Variants in TMED5 observed in about 807,000 individuals in gnomAD.
TMED5 encodes the protein transmembrane p24 trafficking protein 5, also known as transmembrane emp24 domain-containing protein 5.
TMED5 carries 27 observed loss-of-function variants against 23.0 expected under a neutral mutation model. That is an observed-to-expected ratio of 1.17 (90% confidence interval 0.86 to 1.62). The LOEUF (loss-of-function observed/expected upper bound fraction) is 1.62. Among genes scored for constraint, TMED5 ranks in the 40% most tolerant of loss-of-function variants. The pLI is 0.00. For synonymous variants in TMED5, 97 were observed against 100.8 expected (o/e 0.96, Z 0.23); for missense variants, 248 against 273.7 (o/e 0.91, Z 0.66).
In TMED5 at chr1:93,150,762, C is replaced by T. The variant is rs1378215945; in HGVS notation, c.*3908G>A. 1 of 152,198 alleles carries T rather than the reference C, an allele frequency of 6.6e-6. No individual in the cohort carries two copies. Among genetic ancestry groups the T allele is most frequent in the Non-Finnish European group, 1.5e-5 (1 of 68,044 alleles). The allele number at this position is 152,198 out of a possible 1,614,324, so 9.4% of individuals were successfully genotyped here. On this transcript the variant is annotated 3_prime_UTR_variant, in exon 4 of 4. Coordinates refer to ENST00000370282, the MANE Select transcript of TMED5 (RefSeq NM_016040.5). The stretch of plus-strand genomic sequence containing the variant: ...GCTGTAGTAACAATCCCCTTTACAA[C>T]ATTTGATCATTATTGCCACTTAACA...
intron 1 of TMED5, chr1:93,161,596 C>T (rs1414587668): frequency 6.6e-6 from 1 of 152,186 alleles, no homozygotes; most frequent in East Asian, 1.9e-4. Flanking sequence ...AAAATTGCAA[C>T]CTCCTGCATA....
At position 93,160,117 on chromosome 1, in the gene TMED5, G is replaced by C. The variant is rs766962233; in HGVS notation, c.287+12C>G. ...ATTCAGCAATGAAACTCAACTAAAA[G>C]AGATTACTTACGTGTGAACTCCATC... On this transcript the variant is annotated intron_variant, in intron 2 of 3. Coordinates refer to ENST00000370282, the MANE Select transcript of TMED5 (RefSeq NM_016040.5). The C allele has an allele frequency of 1.3e-6, 2 of 1,575,082 alleles. No homozygotes were observed. Among genetic ancestry groups the C allele is most frequent in the Admixed American group, 3.4e-5 (2 of 59,476 alleles).
chr1:93,154,633 C>T lies in TMED5; in HGVS notation c.*37G>A, dbSNP rs1164198781. The T allele has an allele frequency of 1.4e-6, 2 of 1,470,412 alleles. No individual in the cohort carries two copies. Among genetic ancestry groups the T allele is most frequent in the Non-Finnish European group, 1.9e-6 (2 of 1,060,252 alleles). 91.1% of individuals were successfully genotyped at this position (1,470,412 alleles called of 1,614,324 possible). On this transcript the variant is annotated 3_prime_UTR_variant, in exon 4 of 4. Coordinates refer to ENST00000370282, the MANE Select transcript of TMED5 (RefSeq NM_016040.5). ...TGTAACAGTTTATTGCATTTTTATGCCTCATTTTTCAATGTTACGTACTCT... is the reference window on the plus strand; with the variant it reads ...TGTAACAGTTTATTGCATTTTTATGTCTCATTTTTCAATGTTACGTACTCT...
At position 93,149,890 on chromosome 1, in the gene TMED5, G is replaced by C. The variant is rs1008472289; in HGVS notation, c.*4780C>G. 6.6e-6 allele frequency: 1 copy of C among 152,160 alleles called. No homozygotes were observed. The highest frequency in any genetic ancestry group is 2.4e-5 in the African/African-American group (1 of 41,422). 9.4% of individuals were successfully genotyped at this position (152,160 alleles called of 1,614,324 possible). A position where few individuals can be genotyped will look rare whatever the true frequency, so the allele number is the denominator to read the frequency against. ...AAACAGGCCGGACATGGTGGCTCAC[G>C]CCTGTAATCTCAGCACTTGGGAAGT... On this transcript the variant is annotated 3_prime_UTR_variant, in exon 4 of 4. Transcript: ENST00000370282.
intron 1 of TMED5, among the ~76,000 whole-genome samples, chr1:93,171,342 T>C (rs966590643): frequency 5.9e-5 from 9 of 152,182 alleles, no homozygotes; most frequent in Non-Finnish European, 1.2e-4. Context: ...TTAAGAACTG[T>C]AACACTCACC....
At chr1:93,162,732 G>C (rs1323592265) in intron 1 of TMED5, 2 of 152,144 alleles carry the variant, frequency 1.3e-5, no homozygotes, top group Non-Finnish European at 2.9e-5. Context: ...GTTTTCCAAA[G>C]GATTTAAAAA....
chr1:93,168,093 G>A (rs908783702), intron 1 of TMED5, among the ~76,000 whole-genome samples: 6 of 151,992 alleles, frequency 3.9e-5, no homozygotes, highest in African/African-American at 1.4e-4. Context: ...AACCATCCTT[G>A]CATCCCAGGG....
At chr1:93,178,525 CT>C (rs1236418982) in intron 1 of TMED5, among the ~76,000 whole-genome samples, 2 of 152,076 alleles carry the variant, frequency 1.3e-5, no homozygotes, top group African/African-American at 4.8e-5. Context: ...CTTTATTAAG[CT>C]CTTTGAGAAG....
At chr1:93,177,446 C>T (rs1186207971) in intron 1 of TMED5, among the ~76,000 whole-genome samples, 1 of 151,762 alleles carries the variant, frequency 6.6e-6, no homozygotes, top group Non-Finnish European at 1.5e-5. Flanking sequence ...GGTGTGGTGG[C>T]ACATGCCTGT....
Position 93,156,459 on chromosome 1 carries a change from G to C in TMED5, c.312C>G (p.Tyr104Ter). The change falls in exon 3 of 4, where the codon TAC becomes TAG. Residue 104 changes from tyrosine (Y) to a stop codon, truncating the protein, a stop_gained. Coordinates refer to ENST00000370282, the MANE Select transcript of TMED5 (RefSeq NM_016040.5). LOFTEE classifies it high-confidence loss of function. ...TGAATGTATTGTCAAAGCAGAACATGTAATCACCAACTTCAGTCTCTACAC... is the reference window on the plus strand; with the variant it reads ...TGAATGTATTGTCAAAGCAGAACATCTAATCACCAACTTCAGTCTCTACAC... ...VHTVETEVGD[Y>*]MFCFDNTFST... The C allele has an allele frequency of 6.2e-7, 1 of 1,613,670 alleles. No individual in the cohort carries two copies. Among genetic ancestry groups the C allele is most frequent in the Non-Finnish European group, 8.5e-7 (1 of 1,179,748 alleles).
At chr1:93,164,385 G>A (rs968703217) in intron 1 of TMED5, among the ~76,000 whole-genome samples, 6 of 152,154 alleles carry the variant, frequency 3.9e-5, no homozygotes, top group Non-Finnish European at 8.8e-5. Flanking sequence ...GCTGAATTAT[G>A]TAAGGGGCAG....
chr1:93,165,824 T>C (rs1648483295), intron 1 of TMED5, among the ~76,000 whole-genome samples: 1 of 152,212 alleles, frequency 6.6e-6, no homozygotes, highest in East Asian at 1.9e-4. Flanking sequence ...TAGTCAACTG[T>C]TGTGTTATCA....
At chr1:93,155,532 G>GT (rs547977053) in intron 3 of TMED5, among the ~76,000 whole-genome samples, 1,714 of 130,128 alleles carry the variant, frequency 0.013, 11 homozygotes, top group African/African-American at 0.018. Context: ...AATGACTAAG[G>GT]TTTTTTTTTT....
chr1:93,170,326 C>T (rs905910701), intron 1 of TMED5, among the ~76,000 whole-genome samples: 3 of 152,222 alleles, frequency 2.0e-5, no homozygotes, highest in African/African-American at 7.2e-5. Context: ...GCTCGAGTTC[C>T]GGGTGGGCGT....
chr1:93,164,670 G>A (rs1648422983), intron 1 of TMED5, among the ~76,000 whole-genome samples: 1 of 152,146 alleles, frequency 6.6e-6, no homozygotes, highest in Non-Finnish European at 1.5e-5. Context: ...ATCGTGGAAT[G>A]CCTGGGAGGA....
intron 1 of TMED5, among the ~76,000 whole-genome samples, chr1:93,170,515 C>A (rs566728424): frequency 5.9e-5 from 9 of 152,336 alleles, no homozygotes; most frequent in African/African-American, 1.4e-4. Context: ...CTCAGCCCCC[C>A]ACTGTGGGCT....
rs1553158525 is a variant in TMED5 at position 93,154,868 on chromosome 1, C to T, written c.492G>A (p.Lys164=). 6.2e-7 allele frequency: 1 copy of T among 1,608,754 alleles called. No individual in the cohort carries two copies. The highest frequency in any genetic ancestry group is 1.3e-5 in the African/African-American group (1 of 74,784). The part of the protein sequence containing the change: ...EDILESINSI[K]SRLSKSGHIQ... ...TGTGCCCACTTTTGCTTAGTCTGGA[C>T]TTGATGCTGTTGATGGATTCCTGGA... The change falls in exon 4 of 4, where the codon AAG becomes AAA. Residue 164 remains lysine (K), a synonymous_variant. Transcript: ENST00000370282.
intron 2 of TMED5, among the ~76,000 whole-genome samples, chr1:93,158,571 T>C (rs999573470): frequency 9.8e-5 from 14 of 143,218 alleles, no homozygotes; most frequent in Admixed American, 9.1e-4. Flanking sequence ...ATGAACTACA[T>C]TTTTAGTTTT....
intron 1 of TMED5, among the ~76,000 whole-genome samples, chr1:93,175,800 T>C (rs72957213): frequency 0.019 from 2,871 of 152,308 alleles, 103 homozygotes; most frequent in African/African-American, 0.066. Context: ...GGTTCACTCA[T>C]TCAATAGATA....
Sources: allele counts gnomAD v4.1 joint callset (sites outside exome capture counted in the v4.1 genomes callset), GRCh38; gene constraint gnomAD v4.1.1; transcripts MANE v1.5; gene names NCBI Gene and HGNC (gene_info 2026-07-23, HGNC 2026-07-21).